The following OPA1 variants were observed in gnomAD, a reference collection of about 807,000 sequenced individuals.
The protein encoded by OPA1 is dynamin-like GTPase OPA1, mitochondrial.
Under a neutral mutation model 152.9 loss-of-function variants are expected in OPA1, and 59 were observed. The observed-to-expected ratio is 0.39, with a 90% CI of 0.31 to 0.48. The LOEUF is 0.48. Among genes scored for constraint, OPA1 ranks in the 20% least tolerant of loss-of-function variants. The pLI, the probability that OPA1 is intolerant of heterozygous loss-of-function variation, is 0.96. For missense variants in OPA1, 1,008 were observed against 1,216.8 expected (o/e 0.83, Z 2.55); for synonymous variants, 400 against 389.9 (o/e 1.03, Z -0.31).
rs542475586 is a variant in OPA1 at position 193,617,058 on chromosome 3, T to C, written c.449-120T>C. 127 of 662,624 alleles carry C rather than the reference T, an allele frequency of 1.9e-4. 2 individuals are homozygous for C. In the East Asian group the frequency reaches 3.4e-3, roughly 18 times the overall value. The allele number at this position is 662,624 out of a possible 1,614,324, so 41.0% of individuals were successfully genotyped here. ...TCTCATCTGTAAATGGTGTTGATAA[T>C]AGTAGCTGTTTTGTAGGGTTGTCAT... On this transcript the variant is annotated intron_variant, in intron 3 of 30. Transcript: ENST00000361510.
At chr3:193,676,943 T>C (rs945261255) in intron 29 of OPA1, among the ~76,000 whole-genome samples, 7 of 127,732 alleles carry the variant, frequency 5.5e-5, no homozygotes, top group East Asian at 4.5e-4. Flanking sequence ...ATCGCGCCAC[T>C]GCACTCCAGC....
chr3:193,651,079 A>G (rs888450911), intron 21 of OPA1, among the ~76,000 whole-genome samples: 1 of 152,190 alleles, frequency 6.6e-6, no homozygotes, highest in Non-Finnish European at 1.5e-5. Flanking sequence ...TTTAACATAA[A>G]TGGGGGCAAG....
chr3:193,691,395 A>G (rs1453252511), intron 29 of OPA1: 1 of 152,224 alleles, frequency 6.6e-6, no homozygotes, highest in African/African-American at 2.4e-5. Context: ...TAAAATAAAT[A>G]ATGTAAATCT....
chr3:193,618,267 A>G (rs546268016), intron 5 of OPA1, among the ~76,000 whole-genome samples: 121 of 152,190 alleles, frequency 8.0e-4, no homozygotes, highest in Non-Finnish European at 1.3e-3. Context: ...TCATGAGGTC[A>G]GGAGATCGAG....
At chr3:193,614,237 A>G (rs1195606539) in intron 1 of OPA1, among the ~76,000 whole-genome samples, 2 of 152,222 alleles carry the variant, frequency 1.3e-5, no homozygotes, top group African/African-American at 4.8e-5. Context: ...CTAAACTGCT[A>G]GAAATTTTGT....
intron 1 of OPA1, among the ~76,000 whole-genome samples, chr3:193,596,306 T>TTTCCTTTCCTTTCCTTTCCTTTCCTTTCC (rs1725498335): frequency 2.8e-5 from 3 of 105,414 alleles, no homozygotes; most frequent in South Asian, 6.9e-4. Flanking sequence ...TTTTCTTTTC[T>TTTCCTTTCCTTTCCTTTCCTTTCCTTTCC]TTTCCTTTCC....
chr3:193,668,330 C>A, intron 29 of OPA1: 1 of 1,550,728 alleles, frequency 6.4e-7, no homozygotes. Flanking sequence ...TTCTTTTTCC[C>A]CAGCTCGGAC....
At chr3:193,596,306 T>TTTCCTTTCCTTTCCTTTCC (rs1725498335) in intron 1 of OPA1, among the ~76,000 whole-genome samples, 44 of 105,384 alleles carry the variant, frequency 4.2e-4, no homozygotes, top group African/African-American at 1.4e-3. Context: ...TTTTCTTTTC[T>TTTCCTTTCCTTTCCTTTCC]TTTCCTTTCC....
intron 29 of OPA1, among the ~76,000 whole-genome samples, chr3:193,677,715 A>G (rs1719412128): frequency 6.6e-6 from 1 of 152,242 alleles, no homozygotes; most frequent in Non-Finnish European, 1.5e-5. Flanking sequence ...TGTCTCCCAC[A>G]GCCCTTCTCC....
chr3:193,687,154 C>G (rs1037695832), intron 29 of OPA1, among the ~76,000 whole-genome samples: 1 of 152,234 alleles, frequency 6.6e-6, no homozygotes, highest in Non-Finnish European at 1.5e-5. Context: ...GTAGCAGTAT[C>G]ATTTCATGTA....
chr3:193,607,691 A>AG (rs1375625730), intron 1 of OPA1, among the ~76,000 whole-genome samples: 6 of 152,308 alleles, frequency 3.9e-5, no homozygotes, highest in South Asian at 4.1e-4. Flanking sequence ...GAAGTCAGGT[A>AG]GCGTGATGCC....
intron 1 of OPA1, among the ~76,000 whole-genome samples, chr3:193,608,008 A>G (rs1296992045): frequency 6.6e-6 from 1 of 152,006 alleles, no homozygotes; most frequent in Non-Finnish European, 1.5e-5. Context: ...TAGGTATTTT[A>G]TTCTCTTTGA....
chr3:193,679,926 T>G (rs1029856278), intron 29 of OPA1, among the ~76,000 whole-genome samples: 3 of 152,242 alleles, frequency 2.0e-5, no homozygotes, highest in African/African-American at 7.2e-5. Flanking sequence ...TTTTTATTTT[T>G]CTGAGCCTGA....
intron 20 of OPA1, chr3:193,648,397 G>GT: frequency 2.4e-6 from 1 of 416,196 alleles, no homozygotes; most frequent in South Asian, 2.9e-5. Context: ...TGCTTTAAAG[G>GT]TTTTGTAGAA....
At chr3:193,644,760 T>C (rs1158721213) in intron 16 of OPA1, among the ~76,000 whole-genome samples, 2 of 152,190 alleles carry the variant, frequency 1.3e-5, no homozygotes. Flanking sequence ...CCCATCTTTC[T>C]TCATTCCTTT....
intron 29 of OPA1, chr3:193,689,156 G>A (rs1698443393): frequency 6.6e-6 from 1 of 152,192 alleles, no homozygotes. Flanking sequence ...AGTAAGCCAG[G>A]AATGCTTCTC....
At chr3:193,685,431 G>T (rs1720810096) in intron 29 of OPA1, among the ~76,000 whole-genome samples, 1 of 152,062 alleles carries the variant, frequency 6.6e-6, no homozygotes, top group Non-Finnish European at 1.5e-5. Flanking sequence ...CTTTATGGGG[G>T]TCACAAAATA....
At chr3:193,660,155 T>C (rs1714906303) in intron 25 of OPA1, among the ~76,000 whole-genome samples, 1 of 152,136 alleles carries the variant, frequency 6.6e-6, no homozygotes, top group African/African-American at 2.4e-5. Context: ...TGAATATGAT[T>C]GGCGGGAAAA....
intron 6 of OPA1, among the ~76,000 whole-genome samples, chr3:193,619,967 A>G (rs1012867813): frequency 1.3e-5 from 2 of 152,086 alleles, no homozygotes; most frequent in African/African-American, 2.4e-5. Context: ...ATGTATGTCA[A>G]AATGTATGTA....
Sources: gnomAD v4.1 joint callset for allele counts (sites outside exome capture counted in the v4.1 genomes callset) on GRCh38, gnomAD v4.1.1 for gene constraint, MANE v1.5 for transcripts, NCBI Gene and HGNC (gene_info 2026-07-23, HGNC 2026-07-21) for gene names.